Variants in FAM149B1 observed in about 807,000 individuals in gnomAD.
FAM149B1 encodes the protein family with sequence similarity 149 member B1, also known as primary cilium assembly protein FAM149B1.
A neutral mutation model predicts 75.3 loss-of-function variants in FAM149B1; 56 were observed. That is an observed-to-expected ratio of 0.74 (90% CI 0.60 to 0.93). The LOEUF (loss-of-function observed/expected upper bound fraction) is 0.93, where lower values mean the gene tolerates loss of function less well. FAM149B1 is among the 40% of genes least tolerant of loss of function. FAM149B1 has a pLI of 0.00. For missense variants in FAM149B1, 639 were observed against 708.4 expected (o/e 0.90, Z 1.11); for synonymous variants, 259 against 256.1 (o/e 1.01, Z -0.11).
chr10:73,206,732 T>C (rs1418779562), intron 5 of FAM149B1, among the ~76,000 whole-genome samples: 1 of 152,148 alleles, frequency 6.6e-6, no homozygotes. Context: ...AAGTGATCCA[T>C]GGTGAAACCT....
chr10:73,242,438 G>A lies in FAM149B1; in HGVS notation c.*1419G>A, dbSNP rs2043965445. Reference sequence around the variant, plus strand: ...TAAAGAATCAGAAAGGGGCCTGTAAGAAGTCATTTAGCCCAATTCCCTCAC... The same window carrying A: ...TAAAGAATCAGAAAGGGGCCTGTAAAAAGTCATTTAGCCCAATTCCCTCAC... On this transcript the variant is annotated 3_prime_UTR_variant, in exon 14 of 14. Coordinates refer to ENST00000242505, the MANE Select transcript of FAM149B1 (RefSeq NM_173348.2). 1 of 152,150 alleles carries A rather than the reference G, an allele frequency of 6.6e-6. No homozygotes were observed. Among genetic ancestry groups the A allele is most frequent in the Non-Finnish European group, 1.5e-5 (1 of 68,012 alleles). The allele number at this position is 152,150 out of a possible 1,614,324, so 9.4% of individuals were successfully genotyped here.
At position 73,240,980 on chromosome 10, in the gene FAM149B1, C is replaced by T. The variant is rs2043937628; in HGVS notation, c.1710C>T (p.Ser570=). ...PQLHGSTKSQ[S]GGRPVSRTRQ... ...TACATGGGTCTACAAAATCTCAAAG[C>T]GGAGGCAGACCAGTCTCTCGAACCA... The change falls in exon 14 of 14, where the codon AGC becomes AGT. Residue 570 remains serine, a synonymous_variant. Coordinates refer to ENST00000242505, the MANE Select transcript of FAM149B1 (RefSeq NM_173348.2). 4.0e-6 allele frequency: 6 copies of T among 1,502,470 alleles called. No individual in the cohort carries two copies. The highest frequency in any genetic ancestry group is 2.4e-5 in the South Asian group (2 of 83,016). The allele number at this position is 1,502,470 out of a possible 1,614,324, so 93.1% of individuals were successfully genotyped here. A position where few individuals can be genotyped will look rare whatever the true frequency, so the allele number is the denominator to read the frequency against.
At chr10:73,210,478 T>A in intron 7 of FAM149B1, 40 bp downstream of exon 7, 1 of 1,393,262 alleles carries the variant, frequency 7.2e-7, no homozygotes, top group Non-Finnish European at 9.9e-7. Flanking sequence ...ATCAATTGTT[T>A]ATGATTTCTA....
chr10:73,243,946 C>T lies in FAM149B1; in HGVS notation c.*2927C>T, dbSNP rs2043980336. 2.5e-6 allele frequency: 4 copies of T among 1,610,082 alleles called. No homozygotes were observed. Among genetic ancestry groups the T allele is most frequent in the Non-Finnish European group, 3.4e-6 (4 of 1,177,748 alleles). ...TTCCTGAGCCTGAAACAGGAACTCACATGAGACTCAGGGCCACCAGGAAAT... is the reference window on the plus strand; with the variant it reads ...TTCCTGAGCCTGAAACAGGAACTCATATGAGACTCAGGGCCACCAGGAAAT... On this transcript the variant is annotated 3_prime_UTR_variant, in exon 14 of 14. Coordinates refer to ENST00000242505, the MANE Select transcript of FAM149B1 (RefSeq NM_173348.2).
chr10:73,229,018 T>C (rs2043622310), intron 8 of FAM149B1, among the ~76,000 whole-genome samples: 1 of 152,204 alleles, frequency 6.6e-6, no homozygotes, highest in Non-Finnish European at 1.5e-5. Context: ...AGGCTGTTTT[T>C]GTTTTTTAAT....
At chr10:73,220,526 C>T (rs966071448) in intron 7 of FAM149B1, among the ~76,000 whole-genome samples, 1 of 152,172 alleles carries the variant, frequency 6.6e-6, no homozygotes, top group Non-Finnish European at 1.5e-5. Flanking sequence ...TGTCCATCAG[C>T]TGATGAATGA....
At chr10:73,230,795 G>A (rs750380201) in intron 9 of FAM149B1, 7 of 297,836 alleles carry the variant, frequency 2.4e-5, no homozygotes, top group East Asian at 1.3e-4. Context: ...TGAGTGCTAT[G>A]ACAGCCCCAA....
chr10:73,188,624 A>G (rs901862044), intron 3 of FAM149B1, among the ~76,000 whole-genome samples: 4 of 152,048 alleles, frequency 2.6e-5, no homozygotes, highest in Admixed American at 2.0e-4. Flanking sequence ...CTGGAGGCTG[A>G]GGCAGAGAAT....
chr10:73,207,183 C>T (rs1393096787), intron 5 of FAM149B1, among the ~76,000 whole-genome samples: 2 of 152,156 alleles, frequency 1.3e-5, no homozygotes, highest in South Asian at 2.1e-4. Flanking sequence ...CCCACTGGGG[C>T]ACTGCCTAGT....
intron 7 of FAM149B1, among the ~76,000 whole-genome samples, chr10:73,225,691 C>T (rs2043525374): frequency 6.6e-6 from 1 of 152,216 alleles, no homozygotes; most frequent in Admixed American, 6.5e-5. Context: ...TAGGCCTTCA[C>T]ATTCACTCAC....
intron 2 of FAM149B1, among the ~76,000 whole-genome samples, chr10:73,175,834 G>A (rs1332626756): frequency 6.6e-6 from 1 of 151,980 alleles, no homozygotes; most frequent in Admixed American, 6.6e-5. Flanking sequence ...CAACTTATTA[G>A]CTGAGTAACA....
chr10:73,228,041 A>T lies in FAM149B1; in HGVS notation c.899-19A>T. ...CCAGAAGATTATCCATGGATAATAT[A>T]TCCTGTTCCTTTGCCCAGATGATGA... On this transcript the variant is annotated intron_variant, in intron 7 of 13. Coordinates refer to ENST00000242505, the MANE Select transcript of FAM149B1 (RefSeq NM_173348.2). 1 of 1,550,990 alleles carries T rather than the reference A, an allele frequency of 6.4e-7. No individual in the cohort carries two copies. The highest frequency in any genetic ancestry group is 8.7e-7 in the Non-Finnish European group (1 of 1,146,238).
intron 6 of FAM149B1, among the ~76,000 whole-genome samples, chr10:73,209,470 A>AGAAAAG (rs2043138803): frequency 6.6e-6 from 1 of 152,198 alleles, no homozygotes; most frequent in Non-Finnish European, 1.5e-5. Context: ...AAAACAAAAA[A>AGAAAAG]GAAAAGAAAA....
At chr10:73,209,941 C>CGTATCACTCAT (rs1172836814) in intron 6 of FAM149B1, among the ~76,000 whole-genome samples, 1 of 152,048 alleles carries the variant, frequency 6.6e-6, no homozygotes, top group Non-Finnish European at 1.5e-5. Context: ...TGTTCACTCA[C>CGTATCACTCAT]GTATCACTCA....
intron 5 of FAM149B1, chr10:73,200,582 G>A: frequency 1.4e-6 from 1 of 735,446 alleles, no homozygotes; most frequent in South Asian, 1.6e-5. Context: ...GTTCAGCCAA[G>A]GGTTTAAGGA....
chr10:73,220,016 A>C (rs1323759261), intron 7 of FAM149B1, among the ~76,000 whole-genome samples: 1 of 151,620 alleles, frequency 6.6e-6, no homozygotes, highest in Non-Finnish European at 1.5e-5. Context: ...ATAAGCATCT[A>C]GTATCCAGGG....
chr10:73,168,172 C>T lies in FAM149B1; in HGVS notation c.-168C>T. 4.4e-6 allele frequency: 3 copies of T among 679,174 alleles called. No homozygotes were observed. Among genetic ancestry groups the T allele is most frequent in the East Asian group, 5.9e-5 (2 of 33,906 alleles). 42.1% of individuals were successfully genotyped at this position (679,174 alleles called of 1,614,324 possible). A position where few individuals can be genotyped will look rare whatever the true frequency, so the allele number is the denominator to read the frequency against. On this transcript the variant is annotated 5_prime_UTR_variant, in exon 1 of 14. Coordinates refer to ENST00000242505, the MANE Select transcript of FAM149B1 (RefSeq NM_173348.2). ...GTCGGAGGACTGGAGAGGTGGGGAC[C>T]CTGGGGAGGTGGCTGCTCGGAGTCT...
At chr10:73,185,057 A>G (rs922740855) in intron 3 of FAM149B1, among the ~76,000 whole-genome samples, 1 of 152,206 alleles carries the variant, frequency 6.6e-6, no homozygotes, top group African/African-American at 2.4e-5. Context: ...GCATAACTCA[A>G]CCCTACAGAA....
chr10:73,169,379 C>T (rs944188049), intron 1 of FAM149B1, among the ~76,000 whole-genome samples: 1 of 150,972 alleles, frequency 6.6e-6, no homozygotes, highest in Admixed American at 6.6e-5. Flanking sequence ...CTACCCTGAC[C>T]GAAGTGGTGT....
Sources: allele counts gnomAD v4.1 joint callset (sites outside exome capture counted in the v4.1 genomes callset), GRCh38; gene constraint gnomAD v4.1.1; transcripts MANE v1.5; gene names NCBI Gene and HGNC (gene_info 2026-07-23, HGNC 2026-07-21).